The following AGBL4 variants were observed in gnomAD, a reference collection of about 807,000 sequenced individuals.
The protein encoded by AGBL4 is AGBL carboxypeptidase 4.
Under a neutral mutation model 66.4 loss-of-function variants are expected in AGBL4, and 58 were observed. The observed-to-expected ratio is 0.87, with a 90% CI of 0.71 to 1.09. The LOEUF (loss-of-function observed/expected upper bound fraction) is 1.09. AGBL4 is among the 50% of genes least tolerant of loss of function. The probability of loss-of-function intolerance (pLI) is 0.00; values close to 1 mark genes in which losing one functional copy is unlikely to be tolerated. For synonymous variants in AGBL4, 234 were observed against 222.9 expected (o/e 1.05, Z -0.44); for missense variants, 579 against 631.0 (o/e 0.92, Z 0.88).
intron 1 of AGBL4, among the ~76,000 whole-genome samples, chr1:49,948,048 A>ATATT (rs1392487979): frequency 1.4e-4 from 1 of 6,976 alleles, no homozygotes; most frequent in African/African-American, 2.5e-4. Context: ...ATATAAATAT[A>ATATT]TAAATATATA....
intron 1 of AGBL4, among the ~76,000 whole-genome samples, chr1:49,887,209 A>G (rs1005815666): frequency 3.3e-5 from 5 of 150,040 alleles, no homozygotes; most frequent in African/African-American, 4.9e-5. Context: ...ATATATATAT[A>G]CATTGTGTGT....
At chr1:48,959,163 T>C (rs1657746683) in intron 5 of AGBL4, among the ~76,000 whole-genome samples, 1 of 152,208 alleles carries the variant, frequency 6.6e-6, no homozygotes, top group African/African-American at 2.4e-5. Flanking sequence ...ACTTTCCAAC[T>C]ATTTTCCTAT....
intron 6 of AGBL4, among the ~76,000 whole-genome samples, chr1:48,810,805 A>G (rs72681077): frequency 0.07 from 10,619 of 152,174 alleles, 507 homozygotes; most frequent in East Asian, 0.17. Context: ...ATGTTCTCTC[A>G]TCTGAGGCAA....
intron 3 of AGBL4, among the ~76,000 whole-genome samples, chr1:49,543,825 A>G (rs1219035943): frequency 6.6e-6 from 1 of 152,170 alleles, no homozygotes; most frequent in Non-Finnish European, 1.5e-5. Context: ...ACTGTGAAAA[A>G]GTATCCCCTC....
intron 1 of AGBL4, among the ~76,000 whole-genome samples, chr1:49,883,701 C>G (rs1647688042): frequency 6.6e-6 from 1 of 151,834 alleles, no homozygotes; most frequent in Non-Finnish European, 1.5e-5. Flanking sequence ...ATGTTGTATT[C>G]TAAGTCATCA....
In AGBL4 at chr1:49,705,971, T is replaced by G. The variant is rs557207996; in HGVS notation, c.158-8534A>C. Among the ~76,000 whole-genome samples, 4 of 152,300 alleles carry G rather than the reference T, an allele frequency of 2.6e-5. No homozygotes were observed. In the South Asian group the frequency reaches 8.3e-4, roughly 32 times the overall value. On this transcript the variant is annotated intron_variant, in intron 2 of 13. Coordinates refer to ENST00000371839, the MANE Select transcript of AGBL4 (RefSeq NM_032785.4). ...CAGTATTTTATTGAGGATTTTCCCA[T>G]CTATGTTAATCAGGGATATTGGCCT...
intron 6 of AGBL4, among the ~76,000 whole-genome samples, chr1:48,671,312 AC>A (rs1371923991): frequency 2.6e-5 from 4 of 152,228 alleles, no homozygotes; most frequent in Admixed American, 6.5e-5. Flanking sequence ...ATTTTCTTAC[AC>A]TGACCACATG....
chr1:49,744,414 G>C lies in AGBL4; in HGVS notation c.158-46977C>G, dbSNP rs569315563. 7.4e-4 allele frequency among the ~76,000 whole-genome samples: 113 copies of C among 152,170 alleles called. 1 individual carries two copies. The South Asian group carries it at 0.023, about 31-fold the overall frequency. On this transcript the variant is annotated intron_variant, in intron 2 of 13. Coordinates refer to ENST00000371839, the MANE Select transcript of AGBL4 (RefSeq NM_032785.4). ...AGAAGGAGAAGCCGCTATGCTTCCT[G>C]TACTGCTTGCATAACTGTAAACCAA...
chr1:48,607,146 A>T (rs2148373650), intron 9 of AGBL4, among the ~76,000 whole-genome samples: 1 of 152,332 alleles, frequency 6.6e-6, no homozygotes, highest in South Asian at 2.1e-4. Context: ...AGGTGTAATT[A>T]AAAATGAGGG....
At chr1:48,634,385 G>A in intron 9 of AGBL4, 108 bp downstream of exon 9, 1 of 856,122 alleles carries the variant, frequency 1.2e-6, no homozygotes, top group Non-Finnish European at 1.8e-6. Context: ...CCTGGTTTTA[G>A]CTATGTATTC....
intron 11 of AGBL4, among the ~76,000 whole-genome samples, chr1:48,569,700 T>C (rs1375919764): frequency 6.6e-6 from 1 of 152,306 alleles, no homozygotes; most frequent in South Asian, 2.1e-4. Context: ...GAGCAGGCTT[T>C]GGAGGAGGCC....
chr1:48,819,509 T>C (rs939649484), intron 6 of AGBL4, among the ~76,000 whole-genome samples: 1 of 152,122 alleles, frequency 6.6e-6, no homozygotes, highest in African/African-American at 2.4e-5. Flanking sequence ...CAGCATGGAC[T>C]TGGGAATGGA....
chr1:49,735,307 GT>G (rs1470819326), intron 2 of AGBL4, among the ~76,000 whole-genome samples: 11 of 149,924 alleles, frequency 7.3e-5, no homozygotes, highest in East Asian at 2.0e-4. Context: ...GTGTGTGTGT[GT>G]GTGTGTGTGT....
chr1:49,982,288 A>G (rs1278422836), intron 1 of AGBL4, among the ~76,000 whole-genome samples: 1 of 152,238 alleles, frequency 6.6e-6, no homozygotes, highest in Non-Finnish European at 1.5e-5. Context: ...GCAGGAGCCA[A>G]GGACAGGTAG....
chr1:49,781,849 G>A (rs1022230699), intron 2 of AGBL4, among the ~76,000 whole-genome samples: 5 of 152,170 alleles, frequency 3.3e-5, no homozygotes, highest in Admixed American at 1.3e-4. Context: ...TTTTAGGAAT[G>A]TATAAATATG....
intron 6 of AGBL4, among the ~76,000 whole-genome samples, chr1:48,677,721 C>T (rs1646389060): frequency 6.7e-6 from 1 of 148,156 alleles, no homozygotes; most frequent in African/African-American, 2.7e-5. Flanking sequence ...GTCCTTGTAA[C>T]GTCACACACC....
chr1:49,812,786 G>C (rs1367855684), intron 2 of AGBL4, among the ~76,000 whole-genome samples: 1 of 152,066 alleles, frequency 6.6e-6, no homozygotes, highest in Non-Finnish European at 1.5e-5. Flanking sequence ...AACATTTACT[G>C]CAGAACTACT....
intron 2 of AGBL4, among the ~76,000 whole-genome samples, chr1:49,808,792 T>C (rs1645032165): frequency 1.3e-5 from 2 of 152,298 alleles, no homozygotes; most frequent in South Asian, 4.1e-4. Flanking sequence ...AATTTGCACA[T>C]GGGTATGATT....
intron 3 of AGBL4, among the ~76,000 whole-genome samples, chr1:49,344,910 C>G (rs1240000387): frequency 6.6e-6 from 1 of 152,186 alleles, no homozygotes; most frequent in Admixed American, 6.5e-5. Context: ...TTCACCTTTT[C>G]AGAATCTTTG....
Sources: allele counts gnomAD v4.1 joint callset (sites outside exome capture counted in the v4.1 genomes callset), GRCh38; gene constraint gnomAD v4.1.1; transcripts MANE v1.5; gene names NCBI Gene and HGNC (gene_info 2026-07-23, HGNC 2026-07-21).